The following DYM variants were observed in gnomAD, a reference collection of about 807,000 sequenced individuals.
The protein encoded by DYM is dymeclin.
Under a neutral mutation model 93.1 loss-of-function variants are expected in DYM, and 78 were observed. That is an observed-to-expected ratio of 0.84 (90% CI 0.70 to 1.01). The LOEUF (loss-of-function observed/expected upper bound fraction) is 1.01, where lower values mean the gene tolerates loss of function less well. DYM is among the 50% of genes least tolerant of loss of function. DYM has a pLI of 0.00. For synonymous variants in DYM, 321 were observed against 319.7 expected (o/e 1.00, Z -0.04); for missense variants, 789 against 845.0 (o/e 0.93, Z 0.82).
intron 14 of DYM, among the ~76,000 whole-genome samples, chr18:49,198,783 C>G (rs1187006297): frequency 1.2e-4 from 18 of 151,958 alleles, no homozygotes; most frequent in South Asian, 6.3e-4. Context: ...GTTGGTGGGA[C>G]TGTAAACTAG....
intron 8 of DYM, among the ~76,000 whole-genome samples, chr18:49,316,997 T>C (rs1042932321): frequency 6.6e-6 from 1 of 152,232 alleles, no homozygotes; most frequent in Non-Finnish European, 1.5e-5. Context: ...GGGGAAATTA[T>C]GCATTTGTCT....
At chr18:49,434,879 A>T (rs556809441) in intron 1 of DYM, among the ~76,000 whole-genome samples, 4 of 152,160 alleles carry the variant, frequency 2.6e-5, no homozygotes, top group Admixed American at 2.6e-4. Flanking sequence ...ACAACCCATA[A>T]AAGAAAAAAA....
intron 3 of DYM, among the ~76,000 whole-genome samples, chr18:49,383,046 A>G (rs2089105779): frequency 6.6e-6 from 1 of 152,216 alleles, no homozygotes; most frequent in Admixed American, 6.5e-5. Flanking sequence ...GATACAATGA[A>G]CAAAATCTAC....
intron 13 of DYM, among the ~76,000 whole-genome samples, chr18:49,220,952 A>G (rs548528280): frequency 1.5e-3 from 222 of 152,374 alleles, no homozygotes; most frequent in Non-Finnish European, 2.9e-3. Context: ...AGAAACTACC[A>G]TCAGAGTGAA....
intron 15 of DYM, among the ~76,000 whole-genome samples, chr18:49,128,474 A>T (rs1054489345): frequency 1.3e-5 from 2 of 152,162 alleles, no homozygotes; most frequent in Admixed American, 6.5e-5. Context: ...TGTCTTTTTT[A>T]AAAAAAGTCT....
At chr18:49,083,166 T>G (rs1160997377) in intron 17 of DYM, among the ~76,000 whole-genome samples, 1 of 152,160 alleles carries the variant, frequency 6.6e-6, no homozygotes, top group Admixed American at 6.5e-5. Flanking sequence ...AATAAGTGGG[T>G]GTAGCTGTGT....
intron 11 of DYM, among the ~76,000 whole-genome samples, 185 bp from the exon 12 acceptor site, chr18:49,258,678 T>C (rs886072107): frequency 3.9e-5 from 6 of 152,072 alleles, no homozygotes; most frequent in Non-Finnish European, 7.4e-5. Context: ...GCCATGGCTG[T>C]GGAGAGTAGG....
At chr18:49,117,996 CTT>C (rs35936099) in intron 16 of DYM, among the ~76,000 whole-genome samples, 36 of 53,484 alleles carry the variant, frequency 6.7e-4, no homozygotes, top group South Asian at 1.6e-3. Context: ...TGTGCCCAGC[CTT>C]TTTTTTTTTT....
At chr18:49,192,315 A>T (rs940321906) in intron 14 of DYM, among the ~76,000 whole-genome samples, 18 of 152,162 alleles carry the variant, frequency 1.2e-4, no homozygotes, top group African/African-American at 4.3e-4. Context: ...GGATTTAAAT[A>T]AAAATATTTA....
chr18:49,050,638 C>G (rs1038820895), intron 17 of DYM, among the ~76,000 whole-genome samples: 1 of 152,052 alleles, frequency 6.6e-6, no homozygotes, highest in African/African-American at 2.4e-5. Context: ...AGTTCACAGA[C>G]AGCCCAGTAG....
intron 8 of DYM, among the ~76,000 whole-genome samples, chr18:49,310,272 A>C (rs939333754): frequency 2.0e-5 from 3 of 152,200 alleles, no homozygotes; most frequent in African/African-American, 7.2e-5. Context: ...AGTTCAGTGA[A>C]TATTAATCAA....
At chr18:49,282,508 G>C (rs947219380) in intron 9 of DYM, among the ~76,000 whole-genome samples, 1 of 152,150 alleles carries the variant, frequency 6.6e-6, no homozygotes, top group African/African-American at 2.4e-5. Context: ...AGCTACTCAG[G>C]AGGCTATAGC....
chr18:49,180,983 TC>T (rs2089872459), intron 14 of DYM, among the ~76,000 whole-genome samples: 1 of 152,116 alleles, frequency 6.6e-6, no homozygotes, highest in East Asian at 1.9e-4. Context: ...AATTCTAACT[TC>T]AAAAAACCAA....
intron 13 of DYM, among the ~76,000 whole-genome samples, chr18:49,252,164 G>A (rs2094301812): frequency 7.8e-6 from 1 of 127,946 alleles, no homozygotes; most frequent in African/African-American, 3.0e-5. Context: ...GTTGCAGTAA[G>A]CTGAGATTGT....
intron 10 of DYM, among the ~76,000 whole-genome samples, chr18:49,275,491 A>T (rs1409862951): frequency 1.3e-5 from 2 of 152,140 alleles, no homozygotes; most frequent in African/African-American, 2.4e-5. Context: ...CATCTTGTCA[A>T]TCTCTATAAA....
At chr18:49,292,347 G>GACAGAC (rs1555679703) in intron 8 of DYM, among the ~76,000 whole-genome samples, 48 of 68,378 alleles carry the variant, frequency 7.0e-4, no homozygotes, top group Non-Finnish European at 1.5e-3. Flanking sequence ...CAGACAGACA[G>GACAGAC]ACAGACAGAC....
chr18:49,329,042 C>A (rs1023817763), intron 8 of DYM, among the ~76,000 whole-genome samples: 5 of 152,052 alleles, frequency 3.3e-5, no homozygotes, highest in Non-Finnish European at 7.4e-5. Flanking sequence ...CCCAAATGTC[C>A]ATCAGTGATA....
intron 8 of DYM, among the ~76,000 whole-genome samples, chr18:49,315,010 T>A (rs2061835046): frequency 6.6e-6 from 1 of 151,956 alleles, no homozygotes; most frequent in Non-Finnish European, 1.5e-5. Context: ...AGCTCAGGAG[T>A]TCGAGACCAG....
chr18:49,455,048 A>T (rs1237697546), intron 1 of DYM, among the ~76,000 whole-genome samples: 1 of 152,124 alleles, frequency 6.6e-6, no homozygotes, highest in Non-Finnish European at 1.5e-5. Context: ...ACAAAAAAAT[A>T]AAAATAATAA....
Sources: allele counts gnomAD v4.1 joint callset (sites outside exome capture counted in the v4.1 genomes callset), GRCh38; gene constraint gnomAD v4.1.1; transcripts MANE v1.5; gene names NCBI Gene and HGNC (gene_info 2026-07-23, HGNC 2026-07-21).